GXYLT2: variants seen among roughly 807,000 people sequenced by gnomAD.
GXYLT2 encodes glucoside xylosyltransferase 2, also known as glycosyltransferase 8 domain containing 4.
In GXYLT2, 53 loss-of-function variants were observed where a neutral mutation model predicts 45.8. The observed-to-expected ratio is 1.16, with a 90% CI of 0.93 to 1.46. The LOEUF (loss-of-function observed/expected upper bound fraction) is 1.46. Ranked by LOEUF, GXYLT2 falls within the 40% of genes most tolerant of loss-of-function variation. The probability of loss-of-function intolerance (pLI) is 0.00; values close to 1 mark genes in which losing one functional copy is unlikely to be tolerated. For missense variants in GXYLT2, 551 were observed against 544.4 expected (o/e 1.01, Z -0.12); for synonymous variants, 219 against 214.2 (o/e 1.02, Z -0.19).
intron 1 of GXYLT2, among the ~76,000 whole-genome samples, chr3:72,907,821 G>A (rs9861871): frequency 0.041 from 6,261 of 152,130 alleles, 373 homozygotes; most frequent in African/African-American, 0.14. Context: ...TGTCGTCAGG[G>A]CGCATATGTT....
intron 5 of GXYLT2, among the ~76,000 whole-genome samples, chr3:72,961,674 A>AAAGAG (rs1278781750): frequency 8.4e-6 from 1 of 118,978 alleles, no homozygotes; most frequent in Non-Finnish European, 1.7e-5. Flanking sequence ...AAAAAAAAAA[A>AAAGAG]AGAGAGAGAG....
chr3:72,939,749 G>T (rs9872201), intron 3 of GXYLT2, among the ~76,000 whole-genome samples: 2 of 150,638 alleles, frequency 1.3e-5, no homozygotes, highest in South Asian at 2.1e-4. Context: ...GGTGCTATCA[G>T]AGCTCACTGC....
At chr3:72,920,699 C>G (rs1315025380) in intron 2 of GXYLT2, among the ~76,000 whole-genome samples, 1 of 151,802 alleles carries the variant, frequency 6.6e-6, no homozygotes, top group Non-Finnish European at 1.5e-5. Flanking sequence ...GGAAATGTAG[C>G]CCGAGGAAAT....
chr3:72,938,154 A>G (rs921426578), intron 3 of GXYLT2, among the ~76,000 whole-genome samples: 2 of 152,232 alleles, frequency 1.3e-5, no homozygotes, highest in Non-Finnish European at 2.9e-5. Context: ...GCACCTACAG[A>G]AATATTTGGT....
intron 1 of GXYLT2, among the ~76,000 whole-genome samples, chr3:72,896,097 G>A (rs577816354): frequency 6.6e-6 from 1 of 151,892 alleles, no homozygotes; most frequent in East Asian, 1.9e-4. Context: ...ATCCATCATT[G>A]CATTAGGAAT....
intron 1 of GXYLT2, among the ~76,000 whole-genome samples, chr3:72,889,400 G>A (rs537426455): frequency 6.6e-6 from 1 of 152,280 alleles, no homozygotes; most frequent in African/African-American, 2.4e-5. Flanking sequence ...CCTGAAAGGA[G>A]TTGAAAAATT....
chr3:72,958,228 GCT>G (rs1480853708), intron 5 of GXYLT2, among the ~76,000 whole-genome samples: 1 of 149,120 alleles, frequency 6.7e-6, no homozygotes. Context: ...AGCCAAGATT[GCT>G]CCACTGCACT....
chr3:72,967,489 T>C (rs3732441), intron 5 of GXYLT2, 58 bp from the exon 6 acceptor site: 102,127 of 1,318,888 alleles, frequency 0.077, 4,270 homozygotes, highest in South Asian at 0.11. Flanking sequence ...TCGTGCCACA[T>C]GTGCATGAGA....
Position 72,888,399 on chromosome 3 carries a change from G to A in GXYLT2, c.166G>A (p.Gly56Arg), listed in dbSNP as rs555295462. Residue 56 changes from glycine to arginine, a missense_variant, in exon 1 of 7, where the codon GGG becomes AGG. Physicochemically the swap from Gly to Arg is moderately radical, Grantham distance 125. Transcript: ENST00000389617. ...HPAPVPARWP[G>R]PGALPGASPG... is the part of the protein sequence containing the mutation. ...CGCGCCTGTCCCCGCGCGCTGGCCG[G>A]GGCCGGGCGCCCTCCCCGGGGCCAG... The A allele has an allele frequency of 2.0e-4, 198 of 1,004,128 alleles. No individual in the cohort carries two copies. In the African/African-American group the frequency reaches 3.2e-3, roughly 16 times the overall value. The allele number at this position is 1,004,128 out of a possible 1,614,324, so 62.2% of individuals were successfully genotyped here.
chr3:72,914,038 C>CT (rs1310589254), intron 2 of GXYLT2, among the ~76,000 whole-genome samples: 1 of 152,124 alleles, frequency 6.6e-6, no homozygotes, highest in Non-Finnish European at 1.5e-5. Context: ...GGGGTGGGCT[C>CT]TGTCACCCTT....
chr3:72,939,456 A>G (rs1401330681), intron 3 of GXYLT2, among the ~76,000 whole-genome samples: 1 of 152,092 alleles, frequency 6.6e-6, no homozygotes, highest in African/African-American at 2.4e-5. Flanking sequence ...TACAACAACA[A>G]AACAGAAAAG....
rs1178386888 is a variant in GXYLT2, at chr3:72,888,068, T to TCGCCGTCGC, written c.-160_-152dup. 4.5e-6 allele frequency: 1 copy of TCGCCGTCGC among 222,760 alleles called. No individual in the cohort carries two copies. The highest frequency in any genetic ancestry group is 1.6e-4 in the South Asian group (1 of 6,178). The allele number at this position is 222,760 out of a possible 1,614,324, so 13.8% of individuals were successfully genotyped here. On this transcript the variant is annotated 5_prime_UTR_variant, in exon 1 of 7. Coordinates refer to ENST00000389617, the MANE Select transcript of GXYLT2 (RefSeq NM_001080393.2). ...CTCCTCTCCTCTCTCTCCTCCTCCT[T>TCGCCGTCGC]CGCCGTCGCCGCCGCCGCCGGCCGC...
At chr3:72,898,893 G>A (rs13096675) in intron 1 of GXYLT2, among the ~76,000 whole-genome samples, 44,249 of 151,896 alleles carry the variant, frequency 0.29, 6,868 homozygotes, top group Non-Finnish European at 0.34. Context: ...CACCATGCCC[G>A]GCTAATTTTG....
intron 3 of GXYLT2, among the ~76,000 whole-genome samples, chr3:72,934,412 A>G (rs893915980): frequency 6.6e-6 from 1 of 152,118 alleles, no homozygotes; most frequent in Non-Finnish European, 1.5e-5. Context: ...AATAGCATAA[A>G]TATATTCTAG....
At chr3:72,958,932 AT>A (rs1041235960) in intron 5 of GXYLT2, among the ~76,000 whole-genome samples, 9 of 137,630 alleles carry the variant, frequency 6.5e-5, no homozygotes, top group Admixed American at 1.5e-4. Context: ...GTGCCCAGGT[AT>A]TTTTTTTTCT....
At chr3:72,928,081 T>C (rs574726689) in intron 3 of GXYLT2, among the ~76,000 whole-genome samples, 1 of 152,168 alleles carries the variant, frequency 6.6e-6, no homozygotes, top group African/African-American at 2.4e-5. Flanking sequence ...TAATGATTGC[T>C]CAAAGCAGCC....
At chr3:72,928,148 A>G (rs1709953911) in intron 3 of GXYLT2, among the ~76,000 whole-genome samples, 1 of 152,248 alleles carries the variant, frequency 6.6e-6, no homozygotes, top group African/African-American at 2.4e-5. Context: ...ATGGCAAGGT[A>G]GCAACTTCCA....
At chr3:72,915,990 TTAGATGCATGG>T (rs1709734557) in intron 2 of GXYLT2, among the ~76,000 whole-genome samples, 2 of 152,184 alleles carry the variant, frequency 1.3e-5, no homozygotes, top group South Asian at 4.1e-4. Context: ...GTGGTCATTA[TTAGATGCATGG>T]TCCATGATCC....
intron 5 of GXYLT2, among the ~76,000 whole-genome samples, chr3:72,961,509 TCC>T (rs982846291): frequency 1.3e-5 from 2 of 152,104 alleles, no homozygotes; most frequent in African/African-American, 4.8e-5. Context: ...TTTGCTTCTC[TCC>T]GTGCCAGTCT....
Sources: allele counts gnomAD v4.1 joint callset (sites outside exome capture counted in the v4.1 genomes callset), GRCh38; gene constraint gnomAD v4.1.1; transcripts MANE v1.5; gene names NCBI Gene and HGNC (gene_info 2026-07-23, HGNC 2026-07-21).